The following MACROD2 variants were observed in gnomAD, a reference collection of about 807,000 sequenced individuals.
MACROD2 encodes the protein mono-ADP ribosylhydrolase 2, also known as ADP-ribose glycohydrolase MACROD2.
A neutral mutation model predicts 70.4 loss-of-function variants in MACROD2; 36 were observed. The observed-to-expected ratio is 0.51, with a 90% CI of 0.39 to 0.68. The LOEUF (loss-of-function observed/expected upper bound fraction) is 0.68, where lower values mean the gene tolerates loss of function less well. Among genes scored for constraint, MACROD2 ranks in the 30% least tolerant of loss-of-function variants. The pLI is 0.00. For synonymous variants in MACROD2, 172 were observed against 178.8 expected, an observed-to-expected ratio of 0.96 and a Z score of 0.30; for missense variants, 496 against 538.4, an observed-to-expected ratio of 0.92 and a Z score of 0.78.
intron 5 of MACROD2, among the ~76,000 whole-genome samples, chr20:14,852,013 G>T (rs1285875428): frequency 6.6e-6 from 1 of 152,146 alleles, no homozygotes; most frequent in Non-Finnish European, 1.5e-5. Flanking sequence ...ATGTCAGAGA[G>T]TCATGCATGA....
At chr20:14,185,996 C>G (rs1452967260) in intron 3 of MACROD2, among the ~76,000 whole-genome samples, 1 of 152,150 alleles carries the variant, frequency 6.6e-6, no homozygotes, top group African/African-American at 2.4e-5. Flanking sequence ...TACTGGCAAG[C>G]CTAGTACATA....
At chr20:15,158,217 G>A (rs2076322732) in intron 5 of MACROD2, among the ~76,000 whole-genome samples, 1 of 152,194 alleles carries the variant, frequency 6.6e-6, no homozygotes, top group East Asian at 1.9e-4. Flanking sequence ...CAACTTGCAG[G>A]TTTCTTTTCT....
intron 3 of MACROD2, among the ~76,000 whole-genome samples, chr20:14,448,538 A>T (rs1014925821): frequency 6.6e-6 from 1 of 151,846 alleles, no homozygotes; most frequent in African/African-American, 2.4e-5. Flanking sequence ...TTAGCCAGGC[A>T]TGGTGGTGCA....
chr20:14,723,884 G>T (rs1277418172), intron 5 of MACROD2, among the ~76,000 whole-genome samples: 2 of 151,976 alleles, frequency 1.3e-5, no homozygotes, highest in African/African-American at 4.8e-5. Context: ...CATGTGAAAT[G>T]AATTATGTTC....
chr20:15,656,483 T>G (rs460066), intron 8 of MACROD2, among the ~76,000 whole-genome samples: 57,232 of 152,078 alleles, frequency 0.38, 12,233 homozygotes, highest in Non-Finnish European at 0.48. Context: ...AGCTAATATT[T>G]GTATATTGCT....
At chr20:15,410,928 A>G (rs909091359) in intron 6 of MACROD2, among the ~76,000 whole-genome samples, 15 of 152,322 alleles carry the variant, frequency 9.8e-5, no homozygotes, top group African/African-American at 2.4e-4. Flanking sequence ...AGATTCTCAT[A>G]TATCTCGTGC....
chr20:15,574,112 C>CA (rs931040942), intron 8 of MACROD2, among the ~76,000 whole-genome samples: 35 of 151,796 alleles, frequency 2.3e-4, no homozygotes, highest in Non-Finnish European at 2.6e-4. Context: ...TAATTGACTA[C>CA]AAAAAAAATC....
chr20:15,954,499 A>G (rs2147374507), intron 12 of MACROD2, among the ~76,000 whole-genome samples: 1 of 152,136 alleles, frequency 6.6e-6, no homozygotes, highest in African/African-American at 2.4e-5. Context: ...CTTTCCTCCT[A>G]TCCATCTCCC....
chr20:14,196,573 T>C (rs1012401182), intron 3 of MACROD2, among the ~76,000 whole-genome samples: 1 of 152,236 alleles, frequency 6.6e-6, no homozygotes, highest in Non-Finnish European at 1.5e-5. Context: ...AACTCTTGAT[T>C]ATAAGCAATA....
intron 5 of MACROD2, among the ~76,000 whole-genome samples, chr20:14,760,368 A>G (rs1379627219): frequency 6.6e-6 from 1 of 152,120 alleles, no homozygotes; most frequent in Non-Finnish European, 1.5e-5. Flanking sequence ...TACAGAAATG[A>G]TGCAGAATTT....
chr20:14,451,822 A>T (rs957127221), intron 3 of MACROD2, among the ~76,000 whole-genome samples: 8 of 152,140 alleles, frequency 5.3e-5, no homozygotes, highest in African/African-American at 1.9e-4. Context: ...TTACCTTTTT[A>T]AGACTGTCCA....
intron 3 of MACROD2, among the ~76,000 whole-genome samples, chr20:14,253,844 A>G (rs1473766250): frequency 6.6e-6 from 1 of 152,146 alleles, no homozygotes; most frequent in Non-Finnish European, 1.5e-5. Context: ...TGTGAGATAC[A>G]GACGTGCATT....
intron 6 of MACROD2, among the ~76,000 whole-genome samples, chr20:15,334,339 A>C (rs968831998): frequency 1.3e-5 from 2 of 151,578 alleles, no homozygotes; most frequent in Non-Finnish European, 2.9e-5. Context: ...TGACTCACCA[A>C]CATAGATTTT....
At chr20:14,568,924 C>T (rs1237923877) in intron 4 of MACROD2, among the ~76,000 whole-genome samples, 1 of 151,914 alleles carries the variant, frequency 6.6e-6, no homozygotes, top group South Asian at 2.1e-4. Flanking sequence ...TGCTACAGCC[C>T]CAGTCAGCAT....
intron 5 of MACROD2, among the ~76,000 whole-genome samples, chr20:14,864,845 A>G (rs758817521): frequency 6.6e-6 from 1 of 152,142 alleles, no homozygotes; most frequent in African/African-American, 2.4e-5. Context: ...ATCAGTGTCA[A>G]TGTAAGTCTT....
intron 15 of MACROD2, among the ~76,000 whole-genome samples, chr20:16,003,035 G>A (rs991134588): frequency 6.6e-6 from 1 of 151,414 alleles, no homozygotes; most frequent in African/African-American, 2.4e-5. Flanking sequence ...CACTGGGCTC[G>A]GGGCTGGGGC....
At chr20:14,056,634 A>G (rs1329891652) in intron 2 of MACROD2, among the ~76,000 whole-genome samples, 2 of 148,128 alleles carry the variant, frequency 1.4e-5, no homozygotes, top group Non-Finnish European at 3.0e-5. Context: ...GATGAAATGT[A>G]TGTGTTTACA....
At chr20:14,663,733 G>A (rs6034002) in intron 4 of MACROD2, among the ~76,000 whole-genome samples, 36,300 of 151,820 alleles carry the variant, frequency 0.24, 7,374 homozygotes, top group African/African-American at 0.54. Context: ...ATTATGTAAA[G>A]GGATCATACC....
At chr20:14,690,560 CAAGT>C (rs1295764691) in intron 5 of MACROD2, among the ~76,000 whole-genome samples, 1 of 152,122 alleles carries the variant, frequency 6.6e-6, no homozygotes, top group Non-Finnish European at 1.5e-5. Context: ...GGTGACGTGA[CAAGT>C]AAAGTTTTCT....
Sources: gnomAD v4.1 joint callset for allele counts (sites outside exome capture counted in the v4.1 genomes callset) on GRCh38, gnomAD v4.1.1 for gene constraint, MANE v1.5 for transcripts, NCBI Gene and HGNC (gene_info 2026-07-23, HGNC 2026-07-21) for gene names.